The following RBMS3 variants were observed in gnomAD, a reference collection of about 807,000 sequenced individuals.
RBMS3 encodes the protein RNA-binding motif, single-stranded-interacting protein 3.
Under a neutral mutation model 66.8 loss-of-function variants are expected in RBMS3, and 27 were observed. That is an observed-to-expected ratio of 0.40 (90% confidence interval 0.30 to 0.56). RBMS3 has a LOEUF of 0.56. RBMS3 is among the 20% of genes least tolerant of loss of function. RBMS3 has a pLI of 0.40. For missense variants in RBMS3, 513 were observed against 549.5 expected (o/e 0.93, Z 0.66); for synonymous variants, 188 against 183.0 (o/e 1.03, Z -0.22).
chr3:29,770,625 G>A (rs2056159350), intron 6 of RBMS3, among the ~76,000 whole-genome samples: 1 of 151,892 alleles, frequency 6.6e-6, no homozygotes, highest in Non-Finnish European at 1.5e-5. Context: ...AGGTCTGCAC[G>A]AATTTCTGGA....
At chr3:29,510,714 A>C (rs760470942) in intron 3 of RBMS3, among the ~76,000 whole-genome samples, 4 of 152,144 alleles carry the variant, frequency 2.6e-5, no homozygotes, top group Non-Finnish European at 4.4e-5. Flanking sequence ...CAAATTTTAG[A>C]GCTTTTGGAT....
chr3:29,621,940 C>T (rs1413662837), intron 4 of RBMS3, among the ~76,000 whole-genome samples: 1 of 152,118 alleles, frequency 6.6e-6, no homozygotes, highest in Non-Finnish European at 1.5e-5. Flanking sequence ...TCTACATATA[C>T]TTGTGGAAAA....
At position 29,360,257 on chromosome 3, in the gene RBMS3, C is replaced by T. The variant is rs1044451934; in HGVS notation, c.76-74486C>T. 3.3e-5 allele frequency among the ~76,000 whole-genome samples: 5 copies of T among 151,938 alleles called. No individual in the cohort carries two copies. The East Asian group carries it at 5.8e-4, about 18-fold the overall frequency. On this transcript the variant is annotated intron_variant, in intron 1 of 14. Transcript: ENST00000383767. ...TTCTGGTACATTGTGTCTTTGTTCT[C>T]GTTGGTTTCAAAGAATATCTTTATT...
intron 1 of RBMS3, among the ~76,000 whole-genome samples, chr3:29,402,120 G>A (rs968135568): frequency 6.6e-6 from 1 of 151,914 alleles, no homozygotes; most frequent in South Asian, 2.1e-4. Context: ...CATTGACGGT[G>A]ATGAAAAAAA....
chr3:29,448,318 A>G (rs2041902750), intron 2 of RBMS3, among the ~76,000 whole-genome samples: 1 of 152,208 alleles, frequency 6.6e-6, no homozygotes, highest in South Asian at 2.1e-4. Flanking sequence ...AGTCATCCTG[A>G]ACTGATAATG....
intron 4 of RBMS3, among the ~76,000 whole-genome samples, chr3:29,736,511 C>A (rs190410523): frequency 7.4e-4 from 112 of 152,228 alleles, no homozygotes; most frequent in African/African-American, 2.5e-3. Context: ...TGTACAGTAC[C>A]CTGAGACAAT....
intron 6 of RBMS3, among the ~76,000 whole-genome samples, chr3:29,825,680 C>A (rs961927315): frequency 1.6e-4 from 24 of 152,176 alleles, no homozygotes; most frequent in African/African-American, 5.5e-4. Flanking sequence ...AATTAAACCT[C>A]TTTCCTTTAT....
chr3:29,545,970 T>C (rs1171795363), intron 3 of RBMS3, among the ~76,000 whole-genome samples: 1 of 151,648 alleles, frequency 6.6e-6, no homozygotes, highest in Non-Finnish European at 1.5e-5. Flanking sequence ...ACATTTGTAA[T>C]GTTAGTTTTT....
At chr3:29,950,058 T>G (rs1444473492) in intron 12 of RBMS3, among the ~76,000 whole-genome samples, 1 of 151,818 alleles carries the variant, frequency 6.6e-6, no homozygotes, top group Non-Finnish European at 1.5e-5. Flanking sequence ...TATTTCCCCC[T>G]GGGTAACTGC....
intron 2 of RBMS3, among the ~76,000 whole-genome samples, chr3:29,451,885 A>G (rs1400659242): frequency 6.6e-6 from 1 of 152,210 alleles, no homozygotes; most frequent in African/African-American, 2.4e-5. Context: ...AATCGTGTGA[A>G]CAAATCATGG....
intron 4 of RBMS3, among the ~76,000 whole-genome samples, chr3:29,683,489 A>T (rs984840110): frequency 6.6e-6 from 1 of 152,128 alleles, no homozygotes; most frequent in Non-Finnish European, 1.5e-5. Context: ...CAAAGAGAAA[A>T]AACAACTTTA....
chr3:29,903,118 C>T (rs778116454), intron 10 of RBMS3: 22 of 151,736 alleles, frequency 1.4e-4, no homozygotes, highest in Admixed American at 2.0e-4. Context: ...AAGTAATGTG[C>T]TTGTAGATTT....
At chr3:29,845,657 G>C (rs890478026) in intron 6 of RBMS3, among the ~76,000 whole-genome samples, 1 of 152,096 alleles carries the variant, frequency 6.6e-6, no homozygotes, top group South Asian at 2.1e-4. Flanking sequence ...ATAAACAATG[G>C]ACAAAATACA....
chr3:29,854,404 C>T (rs2059021438), intron 6 of RBMS3, among the ~76,000 whole-genome samples: 1 of 152,208 alleles, frequency 6.6e-6, no homozygotes, highest in African/African-American at 2.4e-5. Context: ...TTCCTCCTGT[C>T]CACATAAAGC....
At chr3:29,388,860 G>A (rs982127871) in intron 1 of RBMS3, among the ~76,000 whole-genome samples, 2 of 152,124 alleles carry the variant, frequency 1.3e-5, no homozygotes, top group Admixed American at 1.3e-4. Context: ...CACTGCGCCT[G>A]GCCCAAAATT....
intron 4 of RBMS3, among the ~76,000 whole-genome samples, chr3:29,639,593 C>CAGAG (rs60712857): frequency 0.052 from 7,387 of 143,098 alleles, 406 homozygotes; most frequent in African/African-American, 0.13. Flanking sequence ...AGAAGATAGA[C>CAGAG]AGAGAGAGAG....
intron 3 of RBMS3, among the ~76,000 whole-genome samples, chr3:29,517,085 G>A (rs372153746): frequency 2.0e-5 from 3 of 151,938 alleles, no homozygotes; most frequent in South Asian, 4.2e-4. Context: ...ATGGTGGCAC[G>A]TGTCTGTCGC....
At chr3:29,828,240 C>T (rs566426698) in intron 6 of RBMS3, among the ~76,000 whole-genome samples, 126 of 152,100 alleles carry the variant, frequency 8.3e-4, no homozygotes, top group Non-Finnish European at 1.5e-3. Flanking sequence ...GCCACTATAC[C>T]GTAGACTCCT....
intron 2 of RBMS3, among the ~76,000 whole-genome samples, chr3:29,444,709 T>C (rs2041752709): frequency 6.7e-6 from 1 of 150,154 alleles, no homozygotes; most frequent in African/African-American, 2.4e-5. Flanking sequence ...AAAGTCTTTG[T>C]AGACAAGTAC....
Sources: gnomAD v4.1 joint callset for allele counts (sites outside exome capture counted in the v4.1 genomes callset) on GRCh38, gnomAD v4.1.1 for gene constraint, MANE v1.5 for transcripts, NCBI Gene and HGNC (gene_info 2026-07-23, HGNC 2026-07-21) for gene names.